Variants in BCL11B observed in about 807,000 individuals in gnomAD.
The protein encoded by BCL11B is BCL11 transcription factor B.
In BCL11B, 8 loss-of-function variants were observed where a neutral mutation model predicts 49.9. That is an observed-to-expected ratio of 0.16 (90% CI 0.09 to 0.29). The LOEUF is 0.29. BCL11B is among the 10% of genes least tolerant of loss of function. The probability of loss-of-function intolerance (pLI) is 1.00; values close to 1 mark genes in which losing one functional copy is unlikely to be tolerated. For synonymous variants in BCL11B, 739 were observed against 637.4 expected (o/e 1.16, Z -2.40); for missense variants, 1,006 against 1,351.0 (o/e 0.74, Z 4.00).
chr14:99,181,564 G>T (rs980927198), intron 3 of BCL11B, among the ~76,000 whole-genome samples: 4 of 152,208 alleles, frequency 2.6e-5, no homozygotes, highest in Non-Finnish European at 5.9e-5. Flanking sequence ...AAATGGCCAC[G>T]AAGGAGGTTC....
At position 99,257,119 on chromosome 14, in the gene BCL11B, T is replaced by C. The variant is rs1444081127; in HGVS notation, c.427+352A>G. The stretch of plus-strand genomic sequence containing the variant: ...GTGAAGACAAACTCTAACCCAAAAC[T>C]GTCTGGCTTCAAAATCAGGGACTAA... On this transcript the variant is annotated intron_variant, in intron 2 of 3. Coordinates refer to ENST00000357195, the MANE Select transcript of BCL11B (RefSeq NM_138576.4). The surrounding 1 kb of genome is among the most constrained non-coding windows in gnomAD (Gnocchi z 6.2). Among the ~76,000 whole-genome samples, 5 of 152,220 alleles carry C rather than the reference T, an allele frequency of 3.3e-5. No homozygotes were observed. In the East Asian group the frequency reaches 7.8e-4, roughly 24 times the overall value.
rs553184855 is a variant in BCL11B, at chr14:99,204,350, G to A, written c.640+26995C>T. 2.4e-4 allele frequency among the ~76,000 whole-genome samples: 36 copies of A among 152,244 alleles called. No individual in the cohort carries two copies. In the South Asian group the frequency reaches 7.1e-3, roughly 30 times the overall value. ...AGGCTAAGGCACCTGTAACAACCTA[G>A]CAACTGCCCCCGATCCCGCACCCCA... On this transcript the variant is annotated intron_variant, in intron 3 of 3. Transcript: ENST00000357195.
intron 1 of BCL11B, among the ~76,000 whole-genome samples, chr14:99,263,558 G>A (rs541454613): frequency 1.6e-4 from 25 of 152,322 alleles, no homozygotes; most frequent in South Asian, 1.5e-3. Context: ...GACTCCAGGC[G>A]GGAAAGTCGA....
intron 3 of BCL11B, among the ~76,000 whole-genome samples, chr14:99,182,176 A>G (rs1012425638): frequency 3.3e-5 from 5 of 152,194 alleles, no homozygotes; most frequent in African/African-American, 1.2e-4. Context: ...TAACACTCAC[A>G]GTGGTAACAA....
At chr14:99,230,358 C>T (rs1888291623) in intron 3 of BCL11B, among the ~76,000 whole-genome samples, 1 of 152,200 alleles carries the variant, frequency 6.6e-6, no homozygotes, top group Non-Finnish European at 1.5e-5. Context: ...AAGCAGGGAC[C>T]AATCAAATCT....
At chr14:99,240,064 G>A (rs1007225780) in intron 2 of BCL11B, among the ~76,000 whole-genome samples, 2 of 152,180 alleles carry the variant, frequency 1.3e-5, no homozygotes, top group African/African-American at 2.4e-5. Context: ...ACCTTTTTAA[G>A]ATCAGACCAT....
At chr14:99,187,019 A>G (rs1418222618) in intron 3 of BCL11B, among the ~76,000 whole-genome samples, 1 of 152,178 alleles carries the variant, frequency 6.6e-6, no homozygotes. Context: ...ACCTTCAGAA[A>G]CAAGACAGTC....
chr14:99,177,622 C>T (rs1174015914), intron 3 of BCL11B, among the ~76,000 whole-genome samples: 1 of 150,144 alleles, frequency 6.7e-6, no homozygotes, highest in Non-Finnish European at 1.5e-5. Context: ...TTGAAAGATC[C>T]CTTTTGTTTT....
chr14:99,191,612 G>T (rs1274247516), intron 3 of BCL11B, among the ~76,000 whole-genome samples: 20 of 152,046 alleles, frequency 1.3e-4, no homozygotes, highest in Non-Finnish European at 1.5e-5. Flanking sequence ...CTGAGAATCT[G>T]GGGCTCCTAG....
Position 99,213,235 on chromosome 14 carries a change from C to T in BCL11B, c.640+18110G>A, listed in dbSNP as rs1003404010. 3.9e-5 allele frequency among the ~76,000 whole-genome samples: 6 copies of T among 152,152 alleles called. No individual in the cohort carries two copies. The highest frequency in any genetic ancestry group is 3.9e-4 in the Admixed American group (6 of 15,280). On this transcript the variant is annotated intron_variant, in intron 3 of 3. Coordinates refer to ENST00000357195, the MANE Select transcript of BCL11B (RefSeq NM_138576.4). This position sits in a 1 kb window ranked among gnomAD's most constrained non-coding sequence, Gnocchi z 5.1. ...GCCCCTGGAATGAAGAAGGGAGCCC[C>T]GGAGGCTCGGCCGACCTGGGTGTGC...
chr14:99,222,038 A>T (rs1336865478), intron 3 of BCL11B, among the ~76,000 whole-genome samples: 1 of 152,200 alleles, frequency 6.6e-6, no homozygotes, highest in Non-Finnish European at 1.5e-5. Context: ...TTTTTGGGTA[A>T]AAGTGGCCAG....
intron 2 of BCL11B, among the ~76,000 whole-genome samples, chr14:99,250,783 A>C (rs949786178): frequency 1.3e-5 from 2 of 151,844 alleles, no homozygotes; most frequent in Non-Finnish European, 2.9e-5. Context: ...TTCTTACCTT[A>C]TCTCTCTCTC....
chr14:99,199,682 G>A (rs1237832576), intron 3 of BCL11B, among the ~76,000 whole-genome samples: 4 of 55,838 alleles, frequency 7.2e-5, no homozygotes, highest in Non-Finnish European at 2.3e-4. Flanking sequence ...GTGTGTGTGT[G>A]TGCGCGCGCG....
intron 3 of BCL11B, among the ~76,000 whole-genome samples, chr14:99,178,027 C>G (rs946300665): frequency 9.2e-5 from 14 of 152,066 alleles, no homozygotes; most frequent in African/African-American, 3.4e-4. Flanking sequence ...TCTGAGGGGC[C>G]GGGACCTCCC....
At chr14:99,190,708 A>C (rs1886999673) in intron 3 of BCL11B, among the ~76,000 whole-genome samples, 1 of 152,220 alleles carries the variant, frequency 6.6e-6, no homozygotes, top group Non-Finnish European at 1.5e-5. Context: ...AAAAGCATCC[A>C]TTCACCAATA....
chr14:99,185,882 G>A (rs1314925508), intron 3 of BCL11B, among the ~76,000 whole-genome samples: 2 of 152,210 alleles, frequency 1.3e-5, no homozygotes, highest in African/African-American at 2.4e-5. Context: ...AAATGGTATC[G>A]TTACAGCAAG....
chr14:99,174,936 C>G lies in BCL11B; in HGVS notation c.1900G>C (p.Gly634Arg), dbSNP rs1469108975. 2.2e-6 allele frequency: 3 copies of G among 1,379,438 alleles called. No homozygotes were observed. Among genetic ancestry groups the G allele is most frequent in the Non-Finnish European group, 2.8e-6 (3 of 1,065,006 alleles). 85.4% of individuals were successfully genotyped at this position (1,379,438 alleles called of 1,614,324 possible). ...CAGCCGCCCGCGTCGTCGTCGTCGC[C>G]CGCGTCCCCGCCGCCCGCCGCACGC... ...LKRAAGGGDA[G>R]DDDDAGGCGD... Residue 634 changes from glycine (G) to arginine (R), a missense_variant, in exon 4 of 4, where the codon GGC becomes CGC. By Grantham distance (125) the Gly-to-Arg change is moderately radical. This residue lies in a region of BCL11B where 443 missense variants were observed against 499.7 expected (regional missense o/e 0.89). Coordinates refer to ENST00000357195, the MANE Select transcript of BCL11B (RefSeq NM_138576.4).
chr14:99,250,717 C>T (rs1301460924), intron 2 of BCL11B, among the ~76,000 whole-genome samples: 1 of 152,186 alleles, frequency 6.6e-6, no homozygotes, highest in Non-Finnish European at 1.5e-5. Flanking sequence ...AATATTAACT[C>T]AGGCTGAATG....
At chr14:99,199,703 CACGTGT>C (rs1887315776) in intron 3 of BCL11B, among the ~76,000 whole-genome samples, 6 of 66,052 alleles carry the variant, frequency 9.1e-5, no homozygotes, top group Admixed American at 3.0e-4. Flanking sequence ...CGCGCACGTG[CACGTGT>C]GTGCGTGTGT....
Sources: gnomAD v4.1 joint callset for allele counts (sites outside exome capture counted in the v4.1 genomes callset) on GRCh38, gnomAD v4.1.1 for gene constraint, gnomAD v4.1.1 regional missense constraint, Gnocchi (gnomAD v3.1) non-coding constraint, MANE v1.5 for transcripts, NCBI Gene and HGNC (gene_info 2026-07-23, HGNC 2026-07-21) for gene names.